Variants in SGCD observed in about 807,000 individuals in gnomAD.
SGCD encodes the protein sarcoglycan delta, also known as delta-sarcoglycan.
Under a neutral mutation model 36.6 loss-of-function variants are expected in SGCD, and 18 were observed. The ratio of observed to expected loss-of-function variants is 0.49; its 90% CI spans 0.34 to 0.73. The LOEUF (loss-of-function observed/expected upper bound fraction) is 0.73, where lower values mean the gene tolerates loss of function less well. Among genes scored for constraint, SGCD ranks in the 30% least tolerant of loss-of-function variants. SGCD has a pLI of 0.01. For missense variants in SGCD, 387 were observed against 346.7 expected (o/e 1.12, Z -0.92); for synonymous variants, 133 against 130.6 (o/e 1.02, Z -0.12).
intron 3 of SGCD, among the ~76,000 whole-genome samples, chr5:156,427,764 T>G (rs1051057343): frequency 3.9e-5 from 6 of 152,192 alleles, no homozygotes; most frequent in Admixed American, 3.3e-4. Context: ...TGGATTTTAT[T>G]AAATGCTTTT....
rs370453940 is a variant in SGCD, at chr5:156,185,418, G to A, written c.-44+61399G>A. Among the ~76,000 whole-genome samples, 51 of 151,948 alleles carry A rather than the reference G, an allele frequency of 3.4e-4. No homozygotes were observed. In the South Asian group the frequency reaches 0.011, roughly 32 times the overall value. Reference sequence around the variant, plus strand: ...TTTAGCAGAGACGGGGTTTCACCACGTTAGCCAGGATGGTCTCGATCTCCT... The same window carrying A: ...TTTAGCAGAGACGGGGTTTCACCACATTAGCCAGGATGGTCTCGATCTCCT... On this transcript the variant is annotated intron_variant, in intron 3 of 9. Transcript: ENST00000517913.
chr5:156,351,127 GT>G (rs1178024896), intron 3 of SGCD, among the ~76,000 whole-genome samples: 1 of 152,164 alleles, frequency 6.6e-6, no homozygotes, highest in African/African-American at 2.4e-5. Context: ...AGTTCCGAAT[GT>G]TTGGTTTTTA....
intron 6 of SGCD, among the ~76,000 whole-genome samples, chr5:156,613,393 C>G (rs1036639568): frequency 6.6e-6 from 1 of 152,200 alleles, no homozygotes; most frequent in Non-Finnish European, 1.5e-5. Context: ...ATTTTGTTGA[C>G]ATAGTCAGGG....
At chr5:156,051,829 A>T (rs1759924786) in intron 1 of SGCD, among the ~76,000 whole-genome samples, 1 of 145,738 alleles carries the variant, frequency 6.9e-6, no homozygotes, top group Non-Finnish European at 1.5e-5. Flanking sequence ...CCCTGTCTGT[A>T]TGTTTTAGTG....
chr5:155,891,556 C>CTTTTTTTTTTTTTT (rs1561640647), intron 1 of SGCD, among the ~76,000 whole-genome samples: 4 of 16,558 alleles, frequency 2.4e-4, no homozygotes, highest in African/African-American at 5.4e-4. Flanking sequence ...AAAATAAATA[C>CTTTTTTTTTTTTTT]TCTTTTTTTT....
the SGCD span, among the ~76,000 whole-genome samples, chr5:155,782,372 AT>A: frequency 5.9e-5 from 9 of 152,036 alleles, no homozygotes; most frequent in Admixed American, 5.9e-4. Context: ...GAAAGATTCC[AT>A]TTTAAAAAGA....
At position 156,224,615 on chromosome 5, in the gene SGCD, T is replaced by C. The variant is rs1764802486; in HGVS notation, c.-44+100596T>C. Among the ~76,000 whole-genome samples, 4 of 152,146 alleles carry C rather than the reference T, an allele frequency of 2.6e-5. No individual in the cohort carries two copies. The South Asian group carries it at 8.3e-4, about 31-fold the overall frequency. On this transcript the variant is annotated intron_variant, in intron 3 of 9. Transcript: ENST00000517913. ...TTGATGTTACTAGTCTATCTCAGAT[T>C]AACCAAAGAAAGAACTGTGTGTGGA...
At chr5:156,338,992 G>T (rs1768505021) in intron 2 of SGCD, among the ~76,000 whole-genome samples, 1 of 152,136 alleles carries the variant, frequency 6.6e-6, no homozygotes, top group Non-Finnish European at 1.5e-5. Context: ...AGGAACATTT[G>T]CAGTCCCAGG....
rs532748731 is a variant in SGCD at position 156,670,009 on chromosome 5, C to T, written c.575+22473C>T. On this transcript the variant is annotated intron_variant, in intron 7 of 8. Transcript: ENST00000337851. ...CTATTAGCGATGTGCAGTGATTGTC[C>T]CCATCACGACCAGCCCGTTTTCACC... is the stretch of plus-strand genomic sequence containing the variant. Among the ~76,000 whole-genome samples, 3 of 152,178 alleles carry T rather than the reference C, an allele frequency of 2.0e-5. No individual in the cohort carries two copies. In the South Asian group the frequency reaches 6.2e-4, roughly 32 times the overall value.
chr5:156,016,544 TGTTG>T (rs921687588), intron 1 of SGCD, among the ~76,000 whole-genome samples: 3 of 152,266 alleles, frequency 2.0e-5, no homozygotes, highest in Non-Finnish European at 4.4e-5. Context: ...TAACAAATTT[TGTTG>T]GTTTCTGATT....
the SGCD span, among the ~76,000 whole-genome samples, chr5:155,779,884 A>T: frequency 1.3e-5 from 2 of 152,010 alleles, no homozygotes; most frequent in African/African-American, 4.8e-5. Flanking sequence ...TTAAATTTGT[A>T]TTTTTTTATT....
At chr5:155,814,971 T>G in the SGCD span, among the ~76,000 whole-genome samples, 2 of 152,148 alleles carry the variant, frequency 1.3e-5, no homozygotes, top group African/African-American at 4.8e-5. Flanking sequence ...TTATATATAA[T>G]CCTTTCTGAG....
intron 3 of SGCD, among the ~76,000 whole-genome samples, chr5:156,131,334 G>A (rs1487305628): frequency 6.6e-6 from 1 of 152,212 alleles, no homozygotes; most frequent in African/African-American, 2.4e-5. Flanking sequence ...TCACTGAACT[G>A]CTCCAGACCT....
At chr5:156,131,253 A>G (rs896325440) in intron 3 of SGCD, among the ~76,000 whole-genome samples, 5 of 152,136 alleles carry the variant, frequency 3.3e-5, no homozygotes, top group Admixed American at 3.3e-4. Flanking sequence ...TTTAATAAAG[A>G]GCTCTGGTGT....
intron 1 of SGCD, among the ~76,000 whole-genome samples, chr5:155,875,693 C>T (rs1580965073): frequency 6.6e-6 from 1 of 151,238 alleles, no homozygotes; most frequent in Admixed American, 6.6e-5. Flanking sequence ...CTCTTTATAG[C>T]CTTAATAGTA....
chr5:156,443,945 C>A (rs1162186830), intron 3 of SGCD, among the ~76,000 whole-genome samples: 2 of 152,030 alleles, frequency 1.3e-5, no homozygotes, highest in Non-Finnish European at 2.9e-5. Context: ...AAATCTGCTA[C>A]CTTTATAAAT....
At chr5:155,880,310 G>A (rs1359532523) in intron 1 of SGCD, among the ~76,000 whole-genome samples, 1 of 152,162 alleles carries the variant, frequency 6.6e-6, no homozygotes, top group Non-Finnish European at 1.5e-5. Flanking sequence ...TCAAGTTTCT[G>A]ATGATACCAC....
chr5:156,237,349 G>C (rs930282513), intron 3 of SGCD, among the ~76,000 whole-genome samples: 1 of 152,094 alleles, frequency 6.6e-6, no homozygotes, highest in African/African-American at 2.4e-5. Context: ...ACATGGCCGG[G>C]TGTGGTGCCT....
intron 4 of SGCD, among the ~76,000 whole-genome samples, chr5:156,572,119 A>G (rs1453355074): frequency 6.6e-6 from 1 of 152,244 alleles, no homozygotes; most frequent in Admixed American, 6.5e-5. Context: ...CAGTATGGAT[A>G]TATCACATTT....
Sources: allele counts gnomAD v4.1 joint callset (sites outside exome capture counted in the v4.1 genomes callset), GRCh38; gene constraint gnomAD v4.1.1; transcripts MANE v1.5; gene names NCBI Gene and HGNC (gene_info 2026-07-23, HGNC 2026-07-21).